The following C7orf33 variants were observed in gnomAD, a reference collection of about 807,000 sequenced individuals.
The protein encoded by C7orf33 is uncharacterized protein C7orf33.
A neutral mutation model predicts 13.4 loss-of-function variants in C7orf33; 15 were observed. The ratio of observed to expected loss-of-function variants is 1.12; its 90% CI spans 0.75 to 1.72. C7orf33 has a LOEUF of 1.72. Among genes scored for constraint, C7orf33 ranks in the 40% most tolerant of loss-of-function variants. The pLI is 0.00. For missense variants in C7orf33, 187 were observed against 220.3 expected (o/e 0.85, Z 0.96); for synonymous variants, 73 against 83.2 (o/e 0.88, Z 0.67).
In C7orf33 at chr7:148,602,209, AT is replaced by A. The variant is rs201676117; in HGVS notation, c.204+11087del. 8.8e-3 allele frequency among the ~76,000 whole-genome samples: 1,345 copies of A among 152,274 alleles called. 17 individuals are homozygous for A. Among genetic ancestry groups the A allele is most frequent in the African/African-American group, 0.031 (1,283 of 41,544 alleles). On this transcript the variant is annotated intron_variant, in intron 1 of 2. Transcript: ENST00000307003. The stretch of plus-strand genomic sequence containing the variant: ...ATTAGTATTAATTCACCATTAAATT[AT>A]TTTTTTAATGTGAAAATAAGATAAA...
At chr7:148,608,442 A>G (rs1210542384) in intron 1 of C7orf33, among the ~76,000 whole-genome samples, 1 of 151,420 alleles carries the variant, frequency 6.6e-6, no homozygotes, top group Non-Finnish European at 1.5e-5. Flanking sequence ...AATAATAATA[A>G]TAATAATAAG....
chr7:148,600,702 A>G (rs1439061611), intron 1 of C7orf33, among the ~76,000 whole-genome samples: 1 of 149,880 alleles, frequency 6.7e-6, no homozygotes, highest in African/African-American at 2.5e-5. Context: ...TGTTTTCTTT[A>G]TCCATTTTGC....
At chr7:148,592,249 T>A (rs1256047787) in intron 1 of C7orf33, among the ~76,000 whole-genome samples, 3 of 152,058 alleles carry the variant, frequency 2.0e-5, no homozygotes, top group Non-Finnish European at 2.9e-5. Flanking sequence ...AGCAAGGGGG[T>A]TGTGTCTGCC....
intron 1 of C7orf33, among the ~76,000 whole-genome samples, chr7:148,598,284 A>G (rs981819700): frequency 1.3e-5 from 2 of 151,928 alleles, no homozygotes; most frequent in Non-Finnish European, 2.9e-5. Flanking sequence ...TAAACATCCC[A>G]CAGTCTGGTT....
At chr7:148,612,433 C>CTA (rs1489850039) in intron 1 of C7orf33, among the ~76,000 whole-genome samples, 2 of 152,120 alleles carry the variant, frequency 1.3e-5, no homozygotes, top group South Asian at 2.1e-4. Context: ...ATCTTTTATG[C>CTA]TATAAAATGT....
In C7orf33 at chr7:148,614,275, A is replaced by G; in HGVS notation, c.438A>G (p.Thr146=). 6.2e-7 allele frequency: 1 copy of G among 1,614,188 alleles called. No homozygotes were observed. Among genetic ancestry groups the G allele is most frequent in the Non-Finnish European group, 8.5e-7 (1 of 1,180,028 alleles). Residue 146 remains threonine (T), a synonymous_variant, in exon 2 of 3, where the codon ACA becomes ACG. Coordinates refer to ENST00000307003, the MANE Select transcript of C7orf33 (RefSeq NM_145304.4). ...LLTLSYKPGR[T]VTSSYLNVRG... ...CTCTCTCTTACAAGCCTGGGAGGAC[A>G]GTGACAAGTTCATACCTAAACGTAA... is the stretch of plus-strand genomic sequence containing the variant.
Position 148,590,855 on chromosome 7 carries a change from G to C in C7orf33, c.-71G>C, listed in dbSNP as rs1353586646. On this transcript the variant is annotated 5_prime_UTR_variant, in exon 1 of 3. Transcript: ENST00000307003. Reference sequence around the variant, plus strand: ...CTGACCCTGGGGATCCGTGCGACTTGATCTTAGATATTGGTGGTGAAGCGC... The same window carrying C: ...CTGACCCTGGGGATCCGTGCGACTTCATCTTAGATATTGGTGGTGAAGCGC... The C allele has an allele frequency of 4.2e-6, 6 of 1,423,072 alleles. No homozygotes were observed. The Admixed American group carries it at 6.8e-5, about 16-fold the overall frequency. The allele number at this position is 1,423,072 out of a possible 1,614,324, so 88.2% of individuals were successfully genotyped here. A position where few individuals can be genotyped will look rare whatever the true frequency, so the allele number is the denominator to read the frequency against.
intron 1 of C7orf33, among the ~76,000 whole-genome samples, chr7:148,597,566 G>A (rs901477012): frequency 2.0e-5 from 3 of 152,060 alleles, no homozygotes; most frequent in African/African-American, 7.2e-5. Context: ...ACAGGTGTGA[G>A]CCACTGTACC....
At chr7:148,606,714 G>A (rs1040418850) in intron 1 of C7orf33, among the ~76,000 whole-genome samples, 1 of 152,056 alleles carries the variant, frequency 6.6e-6, no homozygotes, top group African/African-American at 2.4e-5. Flanking sequence ...AGCCTCCCAG[G>A]AAGCTGGGAT....
chr7:148,609,893 C>T (rs547993349), intron 1 of C7orf33, among the ~76,000 whole-genome samples: 87 of 152,206 alleles, frequency 5.7e-4, no homozygotes, highest in South Asian at 1.2e-3. Context: ...GGGGAGTCTT[C>T]GCTGAGTAGG....
intron 1 of C7orf33, among the ~76,000 whole-genome samples, chr7:148,607,057 G>A (rs1796481885): frequency 6.6e-6 from 1 of 152,106 alleles, no homozygotes; most frequent in Non-Finnish European, 1.5e-5. Flanking sequence ...CAGGGAAGGA[G>A]TAGTTCTCAA....
chr7:148,590,964 T>A lies in C7orf33; in HGVS notation c.39T>A (p.Cys13Ter), dbSNP rs755437640. The A allele has an allele frequency of 5.0e-6, 8 of 1,614,022 alleles. No individual in the cohort carries two copies. The highest frequency in any genetic ancestry group is 2.2e-5 in the South Asian group (2 of 91,082). ...VEVQSLSLEE[C>*]PWRLPGPQCE... is the part of the protein sequence containing the mutation. ...TTCAAAGCCTCAGCCTTGAAGAGTG[T>A]CCCTGGAGACTTCCAGGCCCCCAAT... Residue 13 changes from cysteine (C) to a stop codon, truncating the protein, a stop_gained, in exon 1 of 3, where the codon TGT becomes TGA. Coordinates refer to ENST00000307003, the MANE Select transcript of C7orf33 (RefSeq NM_145304.4). LOFTEE classifies it high-confidence loss of function.
chr7:148,615,280 A>T, intron 2 of C7orf33, 47 bp from the exon 3 acceptor site: 1 of 1,256,288 alleles, frequency 8.0e-7, no homozygotes, highest in Non-Finnish European at 1.2e-6. Context: ...TCTAGGGAAA[A>T]GGTAAATCAT....
intron 1 of C7orf33, among the ~76,000 whole-genome samples, chr7:148,606,136 A>G (rs956771972): frequency 1.3e-5 from 2 of 152,238 alleles, no homozygotes; most frequent in Non-Finnish European, 2.9e-5. Flanking sequence ...ATGAACAGAC[A>G]GATAAGGCTC....
intron 1 of C7orf33, among the ~76,000 whole-genome samples, chr7:148,599,329 G>A (rs1796387633): frequency 6.6e-6 from 1 of 152,018 alleles, no homozygotes; most frequent in Non-Finnish European, 1.5e-5. Flanking sequence ...GAACACAAAT[G>A]AAACCCCTGA....
At chr7:148,610,615 GGGGAACCC>G (rs1796526565) in intron 1 of C7orf33, among the ~76,000 whole-genome samples, 1 of 152,050 alleles carries the variant, frequency 6.6e-6, no homozygotes, top group Non-Finnish European at 1.5e-5. Context: ...CTGTCGCTCT[GGGGAACCC>G]TAATACAACT....
At chr7:148,605,083 T>G (rs967107538) in intron 1 of C7orf33, among the ~76,000 whole-genome samples, 1 of 151,890 alleles carries the variant, frequency 6.6e-6, no homozygotes, top group African/African-American at 2.4e-5. Context: ...AATACAAAAA[T>G]TAGTCAGGCA....
At chr7:148,603,146 A>T (rs1796435308) in intron 1 of C7orf33, among the ~76,000 whole-genome samples, 1 of 152,230 alleles carries the variant, frequency 6.6e-6, no homozygotes, top group South Asian at 2.1e-4. Flanking sequence ...AGATGAGAAC[A>T]CACAGAAATG....
At chr7:148,600,813 T>A (rs1157552145) in intron 1 of C7orf33, among the ~76,000 whole-genome samples, 4 of 145,994 alleles carry the variant, frequency 2.7e-5, no homozygotes, top group Non-Finnish European at 6.0e-5. Flanking sequence ...TTTTTTTTTT[T>A]TTTTTTTGAG....
Sources: allele counts gnomAD v4.1 joint callset (sites outside exome capture counted in the v4.1 genomes callset), GRCh38; gene constraint gnomAD v4.1.1; transcripts MANE v1.5; gene names NCBI Gene and HGNC (gene_info 2026-07-23, HGNC 2026-07-21).